Variants in RNLS observed in about 807,000 individuals in gnomAD.
The protein encoded by RNLS is renalase.
RNLS carries 39 observed loss-of-function variants against 39.8 expected under a neutral mutation model. The ratio of observed to expected loss-of-function variants is 0.98; its 90% confidence interval spans 0.76 to 1.28. RNLS has a LOEUF of 1.28. Ranked by LOEUF, RNLS falls within the 50% of genes most tolerant of loss-of-function variation. RNLS has a pLI of 0.00. For missense variants in RNLS, 410 were observed against 413.3 expected, an observed-to-expected ratio of 0.99 and a Z score of 0.07; for synonymous variants, 147 against 150.7, an observed-to-expected ratio of 0.98 and a Z score of 0.18.
At chr10:88,540,702 T>A (rs1847990065) in intron 4 of RNLS, among the ~76,000 whole-genome samples, 1 of 152,150 alleles carries the variant, frequency 6.6e-6, no homozygotes, top group South Asian at 2.1e-4. Flanking sequence ...AATTGTGGAA[T>A]AAGTGTACTT....
intron 4 of RNLS, among the ~76,000 whole-genome samples, chr10:88,383,929 C>A (rs1851702353): frequency 1.3e-5 from 2 of 152,026 alleles, no homozygotes; most frequent in South Asian, 4.1e-4. Flanking sequence ...TAACTTTGAA[C>A]CCCAATTAAG....
At chr10:88,459,290 C>A (rs1368868636) in intron 4 of RNLS, among the ~76,000 whole-genome samples, 1 of 151,936 alleles carries the variant, frequency 6.6e-6, no homozygotes, top group Admixed American at 6.6e-5. Flanking sequence ...TTACAAGAGG[C>A]ATGTTTTTTG....
downstream of RNLS, among the ~76,000 whole-genome samples, chr10:88,280,630 T>C (rs543313579): frequency 6.6e-6 from 1 of 152,256 alleles, no homozygotes; most frequent in Admixed American, 6.5e-5. Context: ...AAAACACTTA[T>C]CTCTACTGCT....
the RNLS span, among the ~76,000 whole-genome samples, chr10:88,221,874 G>A: frequency 6.6e-6 from 1 of 151,982 alleles, no homozygotes; most frequent in Admixed American, 6.6e-5. Context: ...CAGTGTTCCA[G>A]CAGCAAATCC....
At chr10:88,385,724 G>T (rs554474001) in intron 4 of RNLS, among the ~76,000 whole-genome samples, 3 of 152,266 alleles carry the variant, frequency 2.0e-5, no homozygotes, top group East Asian at 3.9e-4. Context: ...GTTTTCCTTC[G>T]GGTGGGGCCC....
downstream of RNLS, among the ~76,000 whole-genome samples, chr10:88,281,359 C>T (rs1335834714): frequency 1.3e-5 from 2 of 152,124 alleles, no homozygotes; most frequent in Non-Finnish European, 2.9e-5. Context: ...GATCCTTTCT[C>T]CCCAAAGGAA....
the RNLS span, among the ~76,000 whole-genome samples, chr10:88,259,677 A>G: frequency 2.0e-5 from 3 of 152,184 alleles, no homozygotes; most frequent in African/African-American, 4.8e-5. Context: ...TTCCAAGTAT[A>G]TGGGAGGATT....
chr10:88,517,400 T>C (rs1268723934), intron 4 of RNLS, among the ~76,000 whole-genome samples: 2 of 151,944 alleles, frequency 1.3e-5, no homozygotes, highest in African/African-American at 2.4e-5. Context: ...TAATATTTGG[T>C]TGAGAACATA....
chr10:88,377,786 G>C (rs1249465962), intron 4 of RNLS, among the ~76,000 whole-genome samples: 1 of 151,920 alleles, frequency 6.6e-6, no homozygotes, highest in Non-Finnish European at 1.5e-5. Flanking sequence ...GTACACATAG[G>C]CTACTCTAAA....
rs1055446129 is a variant in RNLS, at chr10:88,568,350, GA to G, written c.526+4552del. 6.0e-4 allele frequency among the ~76,000 whole-genome samples: 91 copies of G among 152,062 alleles called. 1 individual carries two copies. Among genetic ancestry groups the G allele is most frequent in the African/African-American group, 2.1e-3 (89 of 41,506 alleles). ...ATGGGGGTGATAGCTAAAGGGGACA[GA>G]ATTTCTTTTTGAGGTGATAAAAAAT... is the stretch of plus-strand genomic sequence containing the variant. On this transcript the variant is annotated intron_variant, in intron 4 of 6. Coordinates refer to ENST00000331772, the MANE Select transcript of RNLS (RefSeq NM_001031709.3).
intron 4 of RNLS, among the ~76,000 whole-genome samples, chr10:88,420,525 T>C (rs912054855): frequency 5.9e-5 from 9 of 152,224 alleles, no homozygotes; most frequent in African/African-American, 2.2e-4. Context: ...TTCAGATGGT[T>C]GCTGGCTTCT....
intron 4 of RNLS, among the ~76,000 whole-genome samples, chr10:88,376,217 C>T (rs1251753460): frequency 2.0e-5 from 3 of 151,986 alleles, no homozygotes; most frequent in Non-Finnish European, 2.9e-5. Flanking sequence ...AAGCCTCTGC[C>T]GGCATCCACT....
the RNLS span, among the ~76,000 whole-genome samples, chr10:88,180,509 G>C: frequency 6.6e-6 from 1 of 152,102 alleles, no homozygotes; most frequent in Admixed American, 6.6e-5. Flanking sequence ...GCTTTAGGTT[G>C]GTCAATTGGC....
chr10:88,304,361 G>A (rs563924481), intron 6 of RNLS, among the ~76,000 whole-genome samples: 17 of 152,038 alleles, frequency 1.1e-4, no homozygotes, highest in African/African-American at 3.6e-4. Context: ...CCAAAATGAC[G>A]GAAATAGAAT....
chr10:88,306,482 A>T (rs377305121), intron 6 of RNLS, among the ~76,000 whole-genome samples: 1 of 152,224 alleles, frequency 6.6e-6, no homozygotes, highest in Non-Finnish European at 1.5e-5. Flanking sequence ...CACAATACGA[A>T]AAAACAAGCA....
At chr10:88,283,066 G>C (rs1432616270), downstream of RNLS, among the ~76,000 whole-genome samples, 1 of 152,104 alleles carries the variant, frequency 6.6e-6, no homozygotes, top group African/African-American at 2.4e-5. Context: ...GTTCTACCTG[G>C]TGCTGACTCC....
At chr10:88,179,564 A>G in the RNLS span, among the ~76,000 whole-genome samples, 1 of 152,364 alleles carries the variant, frequency 6.6e-6, no homozygotes, top group South Asian at 2.1e-4. Context: ...CAAACCTCAG[A>G]ATAGTCTTTG....
At chr10:88,454,593 T>G (rs1036789701) in intron 4 of RNLS, among the ~76,000 whole-genome samples, 2 of 152,192 alleles carry the variant, frequency 1.3e-5, no homozygotes, top group Non-Finnish European at 2.9e-5. Context: ...TCCAACAAGG[T>G]CAACTCCTTA....
downstream of RNLS, among the ~76,000 whole-genome samples, chr10:88,281,512 G>C (rs1365860092): frequency 1.3e-5 from 2 of 152,114 alleles, no homozygotes; most frequent in African/African-American, 4.8e-5. Flanking sequence ...GGGGATTGCT[G>C]ATTATATTCC....
Sources: allele counts gnomAD v4.1 joint callset (sites outside exome capture counted in the v4.1 genomes callset), GRCh38; gene constraint gnomAD v4.1.1; transcripts MANE v1.5; gene names NCBI Gene and HGNC (gene_info 2026-07-23, HGNC 2026-07-21).